COL4A3: variants seen among roughly 807,000 people sequenced by gnomAD.
COL4A3 encodes the protein collagen alpha-3(IV) chain.
In COL4A3, 135 loss-of-function variants were observed where a neutral mutation model predicts 217.4. The observed-to-expected ratio is 0.62, with a 90% CI of 0.54 to 0.72. The LOEUF (loss-of-function observed/expected upper bound fraction) is 0.72, where lower values mean the gene tolerates loss of function less well. Ranked by LOEUF, COL4A3 falls within the 30% of genes least tolerant of loss-of-function variation. The pLI is 0.00. For missense variants in COL4A3, 1,868 were observed against 2,119.9 expected (o/e 0.88, Z 2.33); for synonymous variants, 690 against 736.3 (o/e 0.94, Z 1.02).
intron 1 of COL4A3, among the ~76,000 whole-genome samples, chr2:227,174,498 GATTATTATT>G (rs10603964): frequency 2.7e-5 from 4 of 150,546 alleles, no homozygotes; most frequent in African/African-American, 9.9e-5. Flanking sequence ...TTAGTCTAGT[GATTATTATT>G]ATTATTATTA....
chr2:227,229,624 C>T lies in COL4A3; in HGVS notation c.88-8344C>T, dbSNP rs76858582. ...AATCTTGAAAAGGAGAAAGGGGAGT[C>T]CCCCAGTGACTGAGTCCTTATTGAG... On this transcript the variant is annotated intron_variant, in intron 1 of 51. Transcript: ENST00000396578. Among the ~76,000 whole-genome samples, 1,043 of 152,240 alleles carry T rather than the reference C, an allele frequency of 6.9e-3. 12 individuals carry two copies. The highest frequency in any genetic ancestry group is 0.024 in the African/African-American group (981 of 41,530).
At chr2:227,289,668 A>T (rs1419721923) in intron 35 of COL4A3, among the ~76,000 whole-genome samples, 2 of 152,206 alleles carry the variant, frequency 1.3e-5, no homozygotes, top group Admixed American at 1.3e-4. Flanking sequence ...GTAACAAAAT[A>T]TATGACATGG....
chr2:227,279,331 G>A (rs2071795353), intron 28 of COL4A3, among the ~76,000 whole-genome samples: 1 of 151,912 alleles, frequency 6.6e-6, no homozygotes, highest in South Asian at 2.1e-4. Flanking sequence ...TGGTCAGGCT[G>A]GTCTCGAACT....
chr2:227,290,713 T>C (rs749275374), intron 36 of COL4A3, 34 bp from the exon 37 acceptor site: 1 of 1,607,164 alleles, frequency 6.2e-7, no homozygotes, highest in Non-Finnish European at 8.5e-7. Context: ...CTCATGTTTA[T>C]CTATTTTACT....
At chr2:227,294,385 C>A in intron 38 of COL4A3, 105 bp from the exon 39 acceptor site, 1 of 841,120 alleles carries the variant, frequency 1.2e-6, no homozygotes, top group Non-Finnish European at 2.1e-6. Flanking sequence ...TTCCTTAAGG[C>A]CAGCGTGAGC....
At chr2:227,184,891 C>CCT (rs2065972095) in intron 1 of COL4A3, among the ~76,000 whole-genome samples, 3 of 62,570 alleles carry the variant, frequency 4.8e-5, no homozygotes, top group East Asian at 1.0e-3. Context: ...CCTCACTGGC[C>CCT]TTTTTTTTTT....
intron 3 of COL4A3, among the ~76,000 whole-genome samples, chr2:227,243,499 T>C (rs191361075): frequency 2.0e-5 from 3 of 152,342 alleles, no homozygotes; most frequent in African/African-American, 4.8e-5. Context: ...GGAATGGCCT[T>C]GAACACAGCC....
At position 227,164,954 on chromosome 2, in the gene COL4A3, T is replaced by C; in HGVS notation, c.87+141T>C. The C allele has an allele frequency of 9.3e-7, 1 of 1,073,766 alleles. No homozygotes were observed. Among genetic ancestry groups the C allele is most frequent in the Non-Finnish European group, 1.3e-6 (1 of 793,036 alleles). The allele number at this position is 1,073,766 out of a possible 1,614,324, so 66.5% of individuals were successfully genotyped here. A position where few individuals can be genotyped will look rare whatever the true frequency, so the allele number is the denominator to read the frequency against. ...GGCGAGGCTGAGGGCTTCACGCAGG[T>C]CCCGGGACAGGCAGCGAGCGGAAGG... On this transcript the variant is annotated intron_variant, in intron 1 of 51. Coordinates refer to ENST00000396578, the MANE Select transcript of COL4A3 (RefSeq NM_000091.5). This position sits in a 1 kb window ranked among gnomAD's most constrained non-coding sequence, Gnocchi z 4.8.
chr2:227,218,869 A>T (rs1224316643), intron 1 of COL4A3, among the ~76,000 whole-genome samples: 2 of 152,240 alleles, frequency 1.3e-5, no homozygotes, highest in Non-Finnish European at 2.9e-5. Flanking sequence ...AAAAAGCAGA[A>T]TTAATAAAAA....
At position 227,203,187 on chromosome 2, in the gene COL4A3, GTA is replaced by G. The variant is rs1204389672; in HGVS notation, c.88-34774_88-34773del. Among the ~76,000 whole-genome samples the G allele has an allele frequency of 2.2e-4, 5 of 23,086 alleles. 2 individuals carry two copies. The highest frequency in any genetic ancestry group is 1.7e-3 in the Admixed American group (3 of 1,816). 15.1% of individuals were successfully genotyped at this position (23,086 alleles called of 152,430 possible). ...TATGTGTATATATGTGTATATGTGT[GTA>G]TATATACATATATGTGTATATACAC... On this transcript the variant is annotated intron_variant, in intron 1 of 51. Transcript: ENST00000396578.
chr2:227,182,332 C>A (rs1361578309), intron 1 of COL4A3, among the ~76,000 whole-genome samples: 2 of 152,178 alleles, frequency 1.3e-5, no homozygotes, highest in Admixed American at 6.5e-5. Flanking sequence ...GGTTCAGAGA[C>A]CTCCCATTCA....
In COL4A3 at chr2:227,235,772, C is replaced by CTTTT. The variant is rs201024233; in HGVS notation, c.88-2179_88-2176dup. ...TGCTGCTAATGCCATTATTTCATTC[C>CTTTT]TTTTTTTTTTTTTTTTTTTTAATGG... is the stretch of plus-strand genomic sequence containing the variant. On this transcript the variant is annotated intron_variant, in intron 1 of 51. Coordinates refer to ENST00000396578, the MANE Select transcript of COL4A3 (RefSeq NM_000091.5). Among the ~76,000 whole-genome samples the CTTTT allele has an allele frequency of 1.7e-4, 21 of 122,424 alleles. 1 individual carries two copies. The highest frequency in any genetic ancestry group is 7.4e-4 in the East Asian group (3 of 4,032). The allele number at this position is 122,424 out of a possible 152,430, so 80.3% of individuals were successfully genotyped here. A position where few individuals can be genotyped will look rare whatever the true frequency, so the allele number is the denominator to read the frequency against.
At chr2:227,259,484 CACAT>C (rs1393056050) in intron 18 of COL4A3, among the ~76,000 whole-genome samples, 7 of 152,118 alleles carry the variant, frequency 4.6e-5, no homozygotes, top group Admixed American at 2.0e-4. Flanking sequence ...TACATATACA[CACAT>C]ACATAGGTAT....
intron 51 of COL4A3, among the ~76,000 whole-genome samples, chr2:227,311,441 G>A (rs561149688): frequency 9.9e-5 from 15 of 150,832 alleles, no homozygotes; most frequent in African/African-American, 1.7e-4. Context: ...GTGCAGTGGC[G>A]CGACCTGGGC....
chr2:227,289,796 C>T (rs760440451), intron 35 of COL4A3, among the ~76,000 whole-genome samples: 30 of 152,114 alleles, frequency 2.0e-4, no homozygotes, highest in South Asian at 4.1e-4. Flanking sequence ...GGTCTGCTAA[C>T]GAGAATCTAA....
At chr2:227,205,035 A>T (rs1274327128) in intron 1 of COL4A3, among the ~76,000 whole-genome samples, 1 of 152,210 alleles carries the variant, frequency 6.6e-6, no homozygotes, top group Non-Finnish European at 1.5e-5. Context: ...GCAACATTTG[A>T]TTATATTGCA....
chr2:227,181,778 A>G (rs369913152), intron 1 of COL4A3, among the ~76,000 whole-genome samples: 9 of 152,306 alleles, frequency 5.9e-5, no homozygotes, highest in African/African-American at 2.2e-4. Context: ...TATGTTTTTA[A>G]CAAGGCTATG....
chr2:227,168,452 G>A (rs77796181), intron 1 of COL4A3, among the ~76,000 whole-genome samples: 7,534 of 152,066 alleles, frequency 0.05, 232 homozygotes, highest in Admixed American at 0.087. Context: ...ACTGCATAGT[G>A]CAACTTTCTG....
intron 20 of COL4A3, among the ~76,000 whole-genome samples, chr2:227,262,626 G>T (rs902532333): frequency 1.3e-5 from 2 of 152,156 alleles, no homozygotes; most frequent in African/African-American, 4.8e-5. Flanking sequence ...TGTATTCCTA[G>T]GTATTTTATT....
Sources: allele counts gnomAD v4.1 joint callset (sites outside exome capture counted in the v4.1 genomes callset), GRCh38; gene constraint gnomAD v4.1.1; non-coding constraint Gnocchi (gnomAD v3.1); transcripts MANE v1.5; gene names NCBI Gene and HGNC (gene_info 2026-07-23, HGNC 2026-07-21).